Variants in MICU1 observed in about 807,000 individuals in gnomAD.
MICU1 encodes the protein mitochondrial calcium uptake 1, also known as calcium uptake protein 1, mitochondrial.
Under a neutral mutation model 56.8 loss-of-function variants are expected in MICU1, and 45 were observed. The observed-to-expected ratio is 0.79, with a 90% CI of 0.62 to 1.02. MICU1 has a LOEUF of 1.02. Ranked by LOEUF, MICU1 falls within the 50% of genes least tolerant of loss-of-function variation. The probability of loss-of-function intolerance (pLI) is 0.00; values close to 1 mark genes in which losing one functional copy is unlikely to be tolerated. For synonymous variants in MICU1, 186 were observed against 195.1 expected (o/e 0.95, Z 0.39); for missense variants, 504 against 587.1 (o/e 0.86, Z 1.46).
At chr10:72,450,342 C>T (rs1490862195) in intron 8 of MICU1, among the ~76,000 whole-genome samples, 2 of 151,772 alleles carry the variant, frequency 1.3e-5, no homozygotes, top group East Asian at 3.9e-4. Flanking sequence ...GGTGCAAAGG[C>T]TCTTAGTTAA....
intron 9 of MICU1, among the ~76,000 whole-genome samples, chr10:72,410,567 T>C (rs1488938605): frequency 2.0e-5 from 3 of 152,138 alleles, no homozygotes; most frequent in Non-Finnish European, 4.4e-5. Context: ...TGCAGTGAGC[T>C]GAGATCACGC....
Position 72,368,185 on chromosome 10 carries a change from C to T in MICU1, c.*10G>A. ...CTGGGGGTGGAGGGGTCCCCTCTTG[C>T]AGTGTGGGGTTACTGTTTGGGTAAA... is the stretch of plus-strand genomic sequence containing the variant. On this transcript the variant is annotated 3_prime_UTR_variant, in exon 12 of 12. Coordinates refer to ENST00000361114, the MANE Select transcript of MICU1 (RefSeq NM_001195518.2). The T allele has an allele frequency of 6.2e-7, 1 of 1,607,898 alleles. No homozygotes were observed. Among genetic ancestry groups the T allele is most frequent in the Non-Finnish European group, 8.5e-7 (1 of 1,176,272 alleles).
chr10:72,438,332 G>C (rs1328995603), intron 8 of MICU1, among the ~76,000 whole-genome samples: 2 of 152,196 alleles, frequency 1.3e-5, no homozygotes, highest in African/African-American at 2.4e-5. Context: ...CAGAAATAAA[G>C]ATGTTCTTTG....
chr10:72,425,040 C>A (rs890553439), intron 8 of MICU1, among the ~76,000 whole-genome samples: 1 of 152,166 alleles, frequency 6.6e-6, no homozygotes, highest in South Asian at 2.1e-4. Context: ...ATTTATGACT[C>A]AATTTACTAT....
Position 72,395,423 on chromosome 10 carries a change from G to C in MICU1, c.1180+12506C>G, listed in dbSNP as rs148522219. Reference sequence around the variant, plus strand: ...TTGAGGTATCTGGTTCATCTCATTGGGACTGGTTGGACAGTGGGTGCAGCC... The same window carrying C: ...TTGAGGTATCTGGTTCATCTCATTGCGACTGGTTGGACAGTGGGTGCAGCC... On this transcript the variant is annotated intron_variant, in intron 10 of 11. Transcript: ENST00000361114. Among the ~76,000 whole-genome samples, 149 of 152,278 alleles carry C rather than the reference G, an allele frequency of 9.8e-4. 1 individual carries two copies. The highest frequency in any genetic ancestry group is 2.9e-3 in the African/African-American group (121 of 41,544).
intron 8 of MICU1, among the ~76,000 whole-genome samples, chr10:72,457,636 C>T (rs1865513176): frequency 1.3e-5 from 2 of 152,014 alleles, no homozygotes; most frequent in Non-Finnish European, 2.9e-5. Flanking sequence ...GTTCAATTAA[C>T]TCTATTAGCT....
chr10:72,382,308 C>T (rs1027114624), intron 10 of MICU1, among the ~76,000 whole-genome samples: 2 of 149,690 alleles, frequency 1.3e-5, no homozygotes, highest in Admixed American at 6.7e-5. Context: ...GACAGGGTTT[C>T]GCCATGTTGG....
chr10:72,410,896 T>C (rs935351930), intron 9 of MICU1, among the ~76,000 whole-genome samples: 1 of 152,202 alleles, frequency 6.6e-6, no homozygotes, highest in African/African-American at 2.4e-5. Context: ...TCATTGCTTG[T>C]GGATGGACAC....
At chr10:72,440,164 A>C (rs569831820) in intron 8 of MICU1, among the ~76,000 whole-genome samples, 12 of 152,342 alleles carry the variant, frequency 7.9e-5, no homozygotes, top group Middle Eastern at 3.4e-3. Flanking sequence ...ACAAGGCTAC[A>C]GTAACCAAAG....
At chr10:72,453,910 AC>A (rs1023459530) in intron 8 of MICU1, among the ~76,000 whole-genome samples, 1 of 151,636 alleles carries the variant, frequency 6.6e-6, no homozygotes, top group Non-Finnish European at 1.5e-5. Flanking sequence ...ATCTCAGCTC[AC>A]CGCAAACTCC....
intron 10 of MICU1, among the ~76,000 whole-genome samples, chr10:72,391,126 C>G (rs1369652976): frequency 2.1e-5 from 3 of 140,748 alleles, no homozygotes; most frequent in Non-Finnish European, 1.6e-5. Flanking sequence ...ATTCAACCAG[C>G]TGCAGATCAA....
intron 5 of MICU1, among the ~76,000 whole-genome samples, chr10:72,523,364 T>G (rs1400656176): frequency 6.6e-6 from 1 of 152,202 alleles, no homozygotes; most frequent in African/African-American, 2.4e-5. Context: ...ATTAGAAACA[T>G]TGATAATGGA....
intron 8 of MICU1, among the ~76,000 whole-genome samples, chr10:72,429,024 C>T (rs924773181): frequency 2.6e-5 from 4 of 151,994 alleles, no homozygotes; most frequent in African/African-American, 9.7e-5. Context: ...ATCTTCTTAC[C>T]AAAAAATAGA....
chr10:72,535,436 T>C (rs927254154), intron 4 of MICU1, among the ~76,000 whole-genome samples: 18 of 152,124 alleles, frequency 1.2e-4, no homozygotes, highest in Admixed American at 1.0e-3. Context: ...TAAGATAGAA[T>C]TATAGAAAAC....
chr10:72,451,327 T>C (rs1366068779), intron 8 of MICU1, among the ~76,000 whole-genome samples: 1 of 151,978 alleles, frequency 6.6e-6, no homozygotes, highest in Non-Finnish European at 1.5e-5. Context: ...CTGGCCTAAA[T>C]CTTTAAATTG....
intron 11 of MICU1, among the ~76,000 whole-genome samples, chr10:72,373,498 G>C (rs1862415458): frequency 6.6e-6 from 1 of 152,118 alleles, no homozygotes; most frequent in African/African-American, 2.4e-5. Flanking sequence ...TTTGACCTAA[G>C]ATCTTGCAGT....
chr10:72,405,207 C>A (rs1308687277), intron 10 of MICU1, among the ~76,000 whole-genome samples: 4 of 151,804 alleles, frequency 2.6e-5, no homozygotes. Context: ...CCATGCCTGG[C>A]CTATTTAATT....
intron 5 of MICU1, among the ~76,000 whole-genome samples, chr10:72,516,501 T>TC (rs1408539277): frequency 2.6e-5 from 4 of 152,220 alleles, no homozygotes; most frequent in Non-Finnish European, 5.9e-5. Flanking sequence ...AGTCATGAAG[T>TC]CTTTGTCCAT....
At chr10:72,533,682 G>A in intron 5 of MICU1, 64 bp downstream of exon 5, 1 of 1,216,762 alleles carries the variant, frequency 8.2e-7, no homozygotes, top group Admixed American at 2.4e-5. Flanking sequence ...TAACTATAGA[G>A]GAACTTAAAA....
Sources: gnomAD v4.1 joint callset for allele counts (sites outside exome capture counted in the v4.1 genomes callset) on GRCh38, gnomAD v4.1.1 for gene constraint, MANE v1.5 for transcripts, NCBI Gene and HGNC (gene_info 2026-07-23, HGNC 2026-07-21) for gene names.